The following HDLBP variants were observed in gnomAD, a reference collection of about 807,000 sequenced individuals.
The protein encoded by HDLBP is high density lipoprotein binding protein.
HDLBP carries 30 observed loss-of-function variants against 137.3 expected under a neutral mutation model. The observed-to-expected ratio is 0.22, with a 90% confidence interval of 0.16 to 0.30. The LOEUF is 0.30. Ranked by LOEUF, HDLBP falls within the 10% of genes least tolerant of loss-of-function variation. The pLI is 1.00. For synonymous variants in HDLBP, 606 were observed against 596.0 expected (o/e 1.02, Z -0.24); for missense variants, 1,119 against 1,667.3 (o/e 0.67, Z 5.73).
At position 241,238,890 on chromosome 2, in the gene HDLBP, G is replaced by A. The variant is rs1415983071; in HGVS notation, c.2611-103C>T. The A allele has an allele frequency of 1.1e-6, 1 of 928,296 alleles. No homozygotes were observed. The highest frequency in any genetic ancestry group is 1.5e-6 in the Non-Finnish European group (1 of 647,734). 57.5% of individuals were successfully genotyped at this position (928,296 alleles called of 1,614,324 possible). On this transcript the variant is annotated intron_variant, in intron 19 of 27. Coordinates refer to ENST00000310931, the MANE Select transcript of HDLBP (RefSeq NM_005336.6). The surrounding 1 kb of genome is among the most constrained non-coding windows in gnomAD (Gnocchi z 4.9). ...ACCACCTTCCTCCCTGTCCTCTACA[G>A]CCACTTGGCACAGATGCTCCCCTTC...
intron 2 of HDLBP, chr2:241,267,720 G>T (rs764087166): frequency 9.8e-5 from 150 of 1,534,186 alleles, no homozygotes; most frequent in Non-Finnish European, 1.3e-4. Flanking sequence ...TGCGTGACAG[G>T]AAAAAGCAGC....
intron 1 of HDLBP, among the ~76,000 whole-genome samples, chr2:241,310,748 C>T (rs2075734567): frequency 6.6e-6 from 1 of 152,022 alleles, no homozygotes; most frequent in Admixed American, 6.6e-5. Flanking sequence ...ATAAACAGGA[C>T]CAAAGAGTAG....
In HDLBP at chr2:241,235,065, G is replaced by A. The variant is rs1418216474; in HGVS notation, c.3144+56C>T. 2.5e-6 allele frequency: 4 copies of A among 1,586,432 alleles called. No individual in the cohort carries two copies. The African/African-American group carries it at 5.4e-5, about 21-fold the overall frequency. On this transcript the variant is annotated intron_variant, in intron 23 of 27. Coordinates refer to ENST00000310931, the MANE Select transcript of HDLBP (RefSeq NM_005336.6). ...GAAGAACTTCCCTAGATTCTGACAT[G>A]TGCCCAAAGCTGAGCACCATGGCTC... is the stretch of plus-strand genomic sequence containing the variant.
At position 241,272,145 on chromosome 2, in the gene HDLBP, C is replaced by CT; in HGVS notation, c.-102-3605dup. On this transcript the variant is annotated intron_variant, in intron 1 of 27. Coordinates refer to ENST00000310931, the MANE Select transcript of HDLBP (RefSeq NM_005336.6). The surrounding 1 kb of genome is among the most constrained non-coding windows in gnomAD (Gnocchi z 5.6). ...TGCACTCCAGGCCCAAGAAGAGCAG[C>CT]TTTCCCCACCCCCGAACACGTAGAC... The CT allele has an allele frequency of 2.0e-6, 2 of 983,768 alleles. No individual in the cohort carries two copies. The allele number at this position is 983,768 out of a possible 1,614,324, so 60.9% of individuals were successfully genotyped here. A position where few individuals can be genotyped will look rare whatever the true frequency, so the allele number is the denominator to read the frequency against.
chr2:241,267,553 T>G, intron 2 of HDLBP: 3 of 1,532,792 alleles, frequency 2.0e-6, no homozygotes, highest in Non-Finnish European at 2.6e-6. Context: ...ACCTTGGTTA[T>G]TCTGTCAATT....
In HDLBP at chr2:241,256,285, T is replaced by C. The variant is rs910873549; in HGVS notation, c.772A>G (p.Ile258Val). The change falls in exon 7 of 28, where the codon ATC becomes GTC. Residue 258 changes from isoleucine to valine, a missense_variant. Coordinates refer to ENST00000310931, the MANE Select transcript of HDLBP (RefSeq NM_005336.6). Reference protein sequence around the residue: ...IMQETGTRINIPPPSVNRTEI... With the variant: ...IMQETGTRINVPPPSVNRTEI... ...GTCCGGTTCACGCTGGGTGGGGGGA[T>C]GTTGATGCGCGTGCCTGTCTCCTGC... The C allele has an allele frequency of 7.4e-6, 12 of 1,614,024 alleles. No homozygotes were observed. In the Admixed American group the frequency reaches 1.0e-4, roughly 13 times the overall value.
chr2:241,254,134 G>A (rs991297162), intron 9 of HDLBP, among the ~76,000 whole-genome samples: 20 of 152,056 alleles, frequency 1.3e-4, no homozygotes, highest in Middle Eastern at 3.2e-3. Flanking sequence ...AACTAGCCTG[G>A]GGCGCCTGTA....
At chr2:241,237,864 GT>G (rs369371285) in intron 20 of HDLBP, among the ~76,000 whole-genome samples, 20 of 152,322 alleles carry the variant, frequency 1.3e-4, no homozygotes, top group African/African-American at 4.8e-4. Flanking sequence ...TGCAGTATGA[GT>G]TTATTAGTTT....
Position 241,256,040 on chromosome 2 carries a change from C to T in HDLBP, c.873+144G>A, listed in dbSNP as rs143890287. ...AGGGGGGGCGGGCACCGATCTCACC[C>T]GGGTCACTCAAGTGTAGAGACAATA... On this transcript the variant is annotated intron_variant, in intron 7 of 27. Transcript: ENST00000310931. 80 of 711,724 alleles carry T rather than the reference C, an allele frequency of 1.1e-4. No individual in the cohort carries two copies. The East Asian group carries it at 1.5e-3, about 13-fold the overall frequency. 44.1% of individuals were successfully genotyped at this position (711,724 alleles called of 1,614,324 possible).
At chr2:241,288,638 C>T (rs1285580805) in intron 1 of HDLBP, among the ~76,000 whole-genome samples, 1 of 152,160 alleles carries the variant, frequency 6.6e-6, no homozygotes, top group Non-Finnish European at 1.5e-5. Flanking sequence ...GAAATGCATC[C>T]GTATGACCCA....
chr2:241,238,733 T>A lies in HDLBP; in HGVS notation c.2665A>T (p.Met889Leu), dbSNP rs1397986112. The part of the protein sequence containing the change: ...AIPQKFHRSV[M>L]GPKGSRIQQI... The stretch of plus-strand genomic sequence containing the variant: ...TGGATTCTGGAACCTTTGGGGCCCA[T>A]GACAGATCGATGGAATTTCTGGGGT... Residue 889 changes from methionine (M) to leucine (L), a missense_variant, in exon 20 of 28, where the codon ATG becomes TTG. Met to Leu is a conservative substitution (Grantham distance 15, BLOSUM62 2). This residue lies in a region of HDLBP where 618 missense variants were observed against 816.7 expected (regional missense o/e 0.76). Transcript: ENST00000310931. The surrounding 1 kb of genome is among the most constrained non-coding windows in gnomAD (Gnocchi z 4.9). 2 of 1,581,822 alleles carry A rather than the reference T, an allele frequency of 1.3e-6. No individual in the cohort carries two copies. Among genetic ancestry groups the A allele is most frequent in the Non-Finnish European group, 1.7e-6 (2 of 1,156,232 alleles).
chr2:241,240,054 C>G lies in HDLBP; in HGVS notation c.2238G>C (p.Gly746=). Residue 746 remains glycine (G), a synonymous_variant, in exon 18 of 28, where the codon GGG becomes GGC. Coordinates refer to ENST00000310931, the MANE Select transcript of HDLBP (RefSeq NM_005336.6). The surrounding 1 kb of genome is among the most constrained non-coding windows in gnomAD (Gnocchi z 5.5). ...PEYHKFLIGK[G]GGKIRKVRDS... is the part of the protein sequence containing the mutation. Reference sequence around the variant, plus strand: ...CGCGCACCTTGCGAATTTTGCCGCCCCCCTTGCCGATGAGGAATTTGTGGT... The same window carrying G: ...CGCGCACCTTGCGAATTTTGCCGCCGCCCTTGCCGATGAGGAATTTGTGGT... The G allele has an allele frequency of 6.2e-7, 1 of 1,614,198 alleles. No individual in the cohort carries two copies. Among genetic ancestry groups the G allele is most frequent in the Non-Finnish European group, 8.5e-7 (1 of 1,180,038 alleles).
At position 241,266,909 on chromosome 2, in the gene HDLBP, A is replaced by T. The variant is rs1343515432; in HGVS notation, c.-37-3T>A. 2 of 1,600,944 alleles carry T rather than the reference A, an allele frequency of 1.2e-6. No individual in the cohort carries two copies. The highest frequency in any genetic ancestry group is 8.6e-7 in the Non-Finnish European group (1 of 1,167,880). On this transcript the variant is annotated splice_region_variant and splice_polypyrimidine_tract_variant and intron_variant, in intron 2 of 27. Coordinates refer to ENST00000310931, the MANE Select transcript of HDLBP (RefSeq NM_005336.6). ...CTACACACAATCCGGGAAAACCACT[A>T]AAGCAAAGAAGAATAAATCAGAAGT...
At chr2:241,311,853 G>A (rs375253944) in intron 1 of HDLBP, among the ~76,000 whole-genome samples, 2 of 152,222 alleles carry the variant, frequency 1.3e-5, no homozygotes, top group South Asian at 4.1e-4. Flanking sequence ...GGGCAGCCAT[G>A]GATCCGTTTG....
In HDLBP at chr2:241,242,511, G is replaced by A. The variant is rs1380297413; in HGVS notation, c.2118C>T (p.Ser706=). ...GCTTCTTGGCCTTCTCCACATCCGA[G>A]GAAGGGCCCCTGATAACAACGGTGT... ...GSDTVVIRGP[S]SDVEKAKKQL... The change falls in exon 17 of 28, where the codon TCC becomes TCT. Residue 706 remains serine, a synonymous_variant. Transcript: ENST00000310931. 1 of 1,614,170 alleles carries A rather than the reference G, an allele frequency of 6.2e-7. No individual in the cohort carries two copies. Among genetic ancestry groups the A allele is most frequent in the Admixed American group, 1.7e-5 (1 of 60,016 alleles).
At chr2:241,271,369 TA>T (rs59722228) in intron 1 of HDLBP, among the ~76,000 whole-genome samples, 6,331 of 152,180 alleles carry the variant, frequency 0.042, 333 homozygotes, top group African/African-American at 0.12. Context: ...GAACTAGAAC[TA>T]AAGGAAGGAG....
At position 241,229,492 on chromosome 2, in the gene HDLBP, G is replaced by A. The variant is rs1379080738; in HGVS notation, c.*109C>T. ...CCTGCGGGACCTCGGGAAGGGGGAA[G>A]AGCGTCAACAATTTACGGAGGGTCC... On this transcript the variant is annotated 3_prime_UTR_variant, in exon 28 of 28. Coordinates refer to ENST00000310931, the MANE Select transcript of HDLBP (RefSeq NM_005336.6). 1.3e-6 allele frequency: 1 copy of A among 788,166 alleles called. No individual in the cohort carries two copies. 48.8% of individuals were successfully genotyped at this position (788,166 alleles called of 1,614,324 possible).
intron 20 of HDLBP, among the ~76,000 whole-genome samples, chr2:241,237,021 C>T (rs931354947): frequency 2.0e-5 from 3 of 147,568 alleles, no homozygotes; most frequent in African/African-American, 7.7e-5. Context: ...GCCGGGAGGC[C>T]GTGAGCTCTG....
chr2:241,235,516 T>C lies in HDLBP; in HGVS notation c.2983A>G (p.Ile995Val). 1 of 1,614,030 alleles carries C rather than the reference T, an allele frequency of 6.2e-7. No individual in the cohort carries two copies. The highest frequency in any genetic ancestry group is 1.1e-5 in the South Asian group (1 of 91,078). The stretch of plus-strand genomic sequence containing the variant: ...TCAAACTCATCCATCATCTTGCGGA[T>C]CCCACTTCCTTTCTGCCCAATAACG... ...RYVIGQKGSG[I>V]RKMMDEFEVN... is the part of the protein sequence containing the mutation. The change falls in exon 22 of 28, where the codon ATC becomes GTC. Residue 995 changes from isoleucine (I) to valine (V), a missense_variant. Physicochemically the swap from Ile to Val is conservative, Grantham distance 29 (BLOSUM62 3). This residue lies in a region of HDLBP where 618 missense variants were observed against 816.7 expected (regional missense o/e 0.76). Coordinates refer to ENST00000310931, the MANE Select transcript of HDLBP (RefSeq NM_005336.6).
Sources: gnomAD v4.1 joint callset for allele counts (sites outside exome capture counted in the v4.1 genomes callset) on GRCh38, gnomAD v4.1.1 for gene constraint, gnomAD v4.1.1 regional missense constraint, Gnocchi (gnomAD v3.1) non-coding constraint, MANE v1.5 for transcripts, NCBI Gene and HGNC (gene_info 2026-07-23, HGNC 2026-07-21) for gene names.